Variants in PTPRQ observed in about 807,000 individuals in gnomAD.
PTPRQ encodes protein tyrosine phosphatase receptor type Q.
PTPRQ carries 199 observed loss-of-function variants against 246.0 expected under a neutral mutation model. The ratio of observed to expected loss-of-function variants is 0.81; its 90% CI spans 0.72 to 0.91. PTPRQ has a LOEUF of 0.91. Among genes scored for constraint, PTPRQ ranks in the 40% least tolerant of loss-of-function variants. The probability of loss-of-function intolerance (pLI) is 0.00; values close to 1 mark genes in which losing one functional copy is unlikely to be tolerated. For synonymous variants in PTPRQ, 869 were observed against 853.2 expected (o/e 1.02, Z -0.32); for missense variants, 2,624 against 2,528.4 (o/e 1.04, Z -0.81).
At chr12:80,645,792 T>A (rs1225510988) in intron 35 of PTPRQ, among the ~76,000 whole-genome samples, 1 of 152,006 alleles carries the variant, frequency 6.6e-6, no homozygotes, top group East Asian at 1.9e-4. Context: ...ATGCCTGGAA[T>A]GGTATAAAAT....
In PTPRQ at chr12:80,578,041, T is replaced by C. The variant is rs144399394; in HGVS notation, c.4286-10088T>C. ...CGTACTCAGAGTGACGTTGTAAGAATGGGAAATTTTTTTTTTTGGATTTTT... is the reference window on the plus strand; with the variant it reads ...CGTACTCAGAGTGACGTTGTAAGAACGGGAAATTTTTTTTTTTGGATTTTT... On this transcript the variant is annotated intron_variant, in intron 25 of 44. Coordinates refer to ENST00000644991, the MANE Select transcript of PTPRQ (RefSeq NM_001145026.2). 1.0e-3 allele frequency among the ~76,000 whole-genome samples: 158 copies of C among 152,216 alleles called. 2 individuals are homozygous for C. In the East Asian group the frequency reaches 0.01, roughly 10 times the overall value.
intron 19 of PTPRQ, among the ~76,000 whole-genome samples, chr12:80,537,603 A>T (rs1896026480): frequency 6.6e-6 from 1 of 152,228 alleles, no homozygotes. Flanking sequence ...GTACATAGTC[A>T]TAATTTTGGA....
rs1479445210 is a variant in PTPRQ, at chr12:80,468,819, T to C, written c.1020T>C (p.Val340=). 6.5e-6 allele frequency: 10 copies of C among 1,548,988 alleles called. No individual in the cohort carries two copies. Among genetic ancestry groups the C allele is most frequent in the Non-Finnish European group, 7.9e-6 (9 of 1,145,882 alleles). ...TIVTGKFSYR[V]ELYGPSGRIL... The stretch of plus-strand genomic sequence containing the variant: ...TAACAGGGAAATTTAGTTATAGAGT[T>C]GAATTATATGGACCATCAGGTAAGC... The change falls in exon 7 of 45, where the codon GTT becomes GTC. Residue 340 remains valine (V), a synonymous_variant. Transcript: ENST00000644991.
At chr12:80,570,778 G>A (rs1182035302) in intron 25 of PTPRQ, among the ~76,000 whole-genome samples, 1 of 152,070 alleles carries the variant, frequency 6.6e-6, no homozygotes. Flanking sequence ...GTAAGGAAGG[G>A]GTCCAGTTTC....
intron 3 of PTPRQ, among the ~76,000 whole-genome samples, chr12:80,449,091 A>C: frequency 6.6e-6 from 1 of 151,416 alleles, no homozygotes; most frequent in East Asian, 1.9e-4. Flanking sequence ...ATGGTATCTC[A>C]TTGTGGTTTT....
intron 23 of PTPRQ, 61 bp from the exon 24 acceptor site, chr12:80,546,495 T>C: frequency 6.9e-7 from 1 of 1,447,258 alleles, no homozygotes; most frequent in African/African-American, 1.4e-5. Flanking sequence ...AATGAAAATA[T>C]TCCATTGATG....
intron 8 of PTPRQ, among the ~76,000 whole-genome samples, chr12:80,473,078 G>C (rs61950914): frequency 0.048 from 6,734 of 139,278 alleles, 163 homozygotes; most frequent in Middle Eastern, 0.1. Context: ...CACACACACA[G>C]GTCATACATT....
chr12:80,616,684 T>C (rs12310309), intron 30 of PTPRQ, among the ~76,000 whole-genome samples: 52,891 of 150,868 alleles, frequency 0.35, 9,851 homozygotes, highest in African/African-American at 0.47. Context: ...TTCAGTTAAT[T>C]AAATAGTGTT....
intron 9 of PTPRQ, 48 bp from the exon 10 acceptor site, chr12:80,493,227 T>C (rs1279422295): frequency 7.3e-7 from 1 of 1,372,274 alleles, no homozygotes; most frequent in Non-Finnish European, 9.4e-7. Flanking sequence ...ATTTAAGTCA[T>C]GAAGTGTAAC....
At chr12:80,655,903 A>C (rs1326916258) in intron 38 of PTPRQ, among the ~76,000 whole-genome samples, 2 of 152,188 alleles carry the variant, frequency 1.3e-5, no homozygotes, top group African/African-American at 4.8e-5. Context: ...CATTAGCTTA[A>C]AACACTTTAA....
chr12:80,667,149 A>G (rs144897854), intron 39 of PTPRQ, among the ~76,000 whole-genome samples: 71 of 151,664 alleles, frequency 4.7e-4, no homozygotes, highest in African/African-American at 1.6e-3. Context: ...CATTTACTCT[A>G]CTCCAGGCAC....
chr12:80,669,820 T>C (rs1592779876), intron 41 of PTPRQ, among the ~76,000 whole-genome samples: 1 of 152,062 alleles, frequency 6.6e-6, no homozygotes, highest in East Asian at 1.9e-4. Context: ...ACTCATCTCC[T>C]GAATCCTAAT....
At chr12:80,485,004 G>C (rs1405523401) in intron 9 of PTPRQ, among the ~76,000 whole-genome samples, 1 of 151,858 alleles carries the variant, frequency 6.6e-6, no homozygotes, top group African/African-American at 2.4e-5. Context: ...AGCTGTTGTT[G>C]ACAAATGATT....
intron 25 of PTPRQ, among the ~76,000 whole-genome samples, chr12:80,553,985 C>T (rs987247973): frequency 1.3e-5 from 2 of 151,584 alleles, no homozygotes; most frequent in Non-Finnish European, 2.9e-5. Context: ...TGTGTTCTCA[C>T]TCATTTGTGG....
intron 25 of PTPRQ, among the ~76,000 whole-genome samples, chr12:80,559,099 C>G (rs955207574): frequency 6.6e-6 from 1 of 152,298 alleles, no homozygotes; most frequent in Middle Eastern, 3.4e-3. Flanking sequence ...GGGTGGAGTG[C>G]AGTGGCGCAA....
intron 28 of PTPRQ, 110 bp downstream of exon 28, chr12:80,610,735 G>A (rs901768216): frequency 1.4e-5 from 18 of 1,327,710 alleles, no homozygotes; most frequent in Admixed American, 3.2e-5. Flanking sequence ...AGTTTTTAAA[G>A]CATATAAACA....
At chr12:80,666,399 A>C (rs2090703522) in intron 39 of PTPRQ, among the ~76,000 whole-genome samples, 1 of 151,986 alleles carries the variant, frequency 6.6e-6, no homozygotes, top group African/African-American at 2.4e-5. Context: ...AATAGTGGTT[A>C]AAAGCTGGGA....
chr12:80,506,795 A>T, intron 16 of PTPRQ, 125 bp downstream of exon 16: 1 of 667,644 alleles, frequency 1.5e-6, no homozygotes, highest in South Asian at 2.5e-5. Context: ...TACCAGCGTT[A>T]TACAGAGATT....
Position 80,613,846 on chromosome 12 carries a change from C to A in PTPRQ, c.5163+10C>A. 1 of 1,478,176 alleles carries A rather than the reference C, an allele frequency of 6.8e-7. No homozygotes were observed. Among genetic ancestry groups the A allele is most frequent in the Non-Finnish European group, 9.0e-7 (1 of 1,112,390 alleles). 91.6% of individuals were successfully genotyped at this position (1,478,176 alleles called of 1,614,324 possible). On this transcript the variant is annotated intron_variant, in intron 29 of 44. Coordinates refer to ENST00000644991, the MANE Select transcript of PTPRQ (RefSeq NM_001145026.2). ...TACATACAATATCAGTGTAAGAATC[C>A]GTAGCTTCAGTTAATTACCCAAATG...
Sources: allele counts gnomAD v4.1 joint callset (sites outside exome capture counted in the v4.1 genomes callset), GRCh38; gene constraint gnomAD v4.1.1; transcripts MANE v1.5; gene names NCBI Gene and HGNC (gene_info 2026-07-23, HGNC 2026-07-21).